The following PCDHA10 variants were observed in gnomAD, a reference collection of about 807,000 sequenced individuals.
PCDHA10 encodes the protein protocadherin alpha-10.
In PCDHA10, 45 loss-of-function variants were observed where a neutral mutation model predicts 61.2. The ratio of observed to expected loss-of-function variants is 0.74; its 90% confidence interval spans 0.58 to 0.94. PCDHA10 has a LOEUF of 0.94. Among genes scored for constraint, PCDHA10 ranks in the 40% least tolerant of loss-of-function variants. The pLI is 0.00. For synonymous variants in PCDHA10, 602 were observed against 548.8 expected (o/e 1.10, Z -1.35); for missense variants, 1,278 against 1,236.2 (o/e 1.03, Z -0.51).
At chr5:140,888,706 T>G (rs1554183604) in intron 1 of PCDHA10, among the ~76,000 whole-genome samples, 1 of 152,196 alleles carries the variant, frequency 6.6e-6, no homozygotes, top group African/African-American at 2.4e-5. Context: ...TTGGTAGGAA[T>G]GTGAAATATT....
chr5:140,884,837 C>A, intron 1 of PCDHA10: 4 of 902,438 alleles, frequency 4.4e-6, no homozygotes, highest in Non-Finnish European at 6.3e-6. Flanking sequence ...GATTATCCTT[C>A]AGAGTGAAAT....
At chr5:140,875,590 A>G (rs1554167782) in intron 1 of PCDHA10, 4 of 1,613,992 alleles carry the variant, frequency 2.5e-6, no homozygotes, top group Non-Finnish European at 3.4e-6. Flanking sequence ...CGAGGAGGCC[A>G]AACACGGCAC....
At chr5:141,001,216 G>T (rs938133871) in intron 3 of PCDHA10, among the ~76,000 whole-genome samples, 1 of 152,082 alleles carries the variant, frequency 6.6e-6, no homozygotes, top group Non-Finnish European at 1.5e-5. Context: ...GCTGTATAAG[G>T]ATAGTTACAT....
chr5:140,970,471 G>T (rs773565871), intron 1 of PCDHA10, among the ~76,000 whole-genome samples: 1 of 152,142 alleles, frequency 6.6e-6, no homozygotes, highest in African/African-American at 2.4e-5. Context: ...TAGGTATAAG[G>T]CCAGCTTGTT....
At chr5:140,911,396 G>C (rs1348303429) in intron 1 of PCDHA10, among the ~76,000 whole-genome samples, 1 of 152,104 alleles carries the variant, frequency 6.6e-6, no homozygotes, top group Non-Finnish European at 1.5e-5. Context: ...TTTCATTGCA[G>C]GTCAGCCACT....
In PCDHA10 at chr5:140,883,821, A is replaced by G. The variant is rs376667172; in HGVS notation, c.2388+25385A>G. 3 of 1,612,334 alleles carry G rather than the reference A, an allele frequency of 1.9e-6. No homozygotes were observed. Among genetic ancestry groups the G allele is most frequent in the Non-Finnish European group, 2.5e-6 (3 of 1,179,764 alleles). The stretch of plus-strand genomic sequence containing the variant: ...GTGCACGCGGAGAGCGGCAAGGTGT[A>G]CGCGCTGCAGCCGTTGGACCACGAG... On this transcript the variant is annotated intron_variant, in intron 1 of 3. Coordinates refer to ENST00000307360, the MANE Select transcript of PCDHA10 (RefSeq NM_018901.4).
chr5:140,875,817 G>C lies in PCDHA10; in HGVS notation c.2388+17381G>C, dbSNP rs1262566792. 3 of 1,614,090 alleles carry C rather than the reference G, an allele frequency of 1.9e-6. No homozygotes were observed. The highest frequency in any genetic ancestry group is 2.7e-5 in the African/African-American group (2 of 74,930). On this transcript the variant is annotated intron_variant, in intron 1 of 3. Coordinates refer to ENST00000307360, the MANE Select transcript of PCDHA10 (RefSeq NM_018901.4). ...AGGTGATCGTGGACAGGCCGCTGCA[G>C]GTTTTCCATGTGGACGTGGAGGTGA...
At chr5:140,988,989 G>C (rs981946293) in intron 3 of PCDHA10, 1 of 152,184 alleles carries the variant, frequency 6.6e-6, no homozygotes, top group Admixed American at 6.5e-5. Flanking sequence ...CTAATGCAGG[G>C]TAAGGAAATA....
chr5:140,963,233 G>C (rs151988), intron 1 of PCDHA10, among the ~76,000 whole-genome samples: 50,230 of 151,972 alleles, frequency 0.33, 8,535 homozygotes, highest in East Asian at 0.53. Context: ...GACACTGTTT[G>C]ATGGATTAGG....
chr5:140,938,062 A>G (rs2091901426), intron 1 of PCDHA10, among the ~76,000 whole-genome samples: 1 of 152,176 alleles, frequency 6.6e-6, no homozygotes, highest in Non-Finnish European at 1.5e-5. Context: ...ATATACTGTC[A>G]TGCTATTCCC....
rs186566632 is a variant in PCDHA10, at chr5:140,947,652, T to C, written c.2389-31297T>C. 6.7e-3 allele frequency among the ~76,000 whole-genome samples: 1,010 copies of C among 151,752 alleles called. 2 individuals are homozygous for C. Among genetic ancestry groups the C allele is most frequent in the Non-Finnish European group, 0.01 (702 of 67,572 alleles). On this transcript the variant is annotated intron_variant, in intron 1 of 3. Transcript: ENST00000307360. ...ATCAGATCGTATGAACATATATACCTCCATTTACTTGGGTCTTTAAAAAAT... is the reference window on the plus strand; with the variant it reads ...ATCAGATCGTATGAACATATATACCCCCATTTACTTGGGTCTTTAAAAAAT...
rs1408742148 is a variant in PCDHA10, at chr5:140,857,544, G to T, written c.1496G>T (p.Gly499Val). 1 of 1,596,898 alleles carries T rather than the reference G, an allele frequency of 6.3e-7. No individual in the cohort carries two copies. Among genetic ancestry groups the T allele is most frequent in the Non-Finnish European group, 8.6e-7 (1 of 1,167,662 alleles). The change falls in exon 1 of 4, where the codon GGC becomes GTC. Residue 499 changes from glycine (G) to valine (V), a missense_variant. Transcript: ENST00000307360. ...VSYSLVERRL[G>V]ERSLSSYVSV... ...TACTCTCTGGTGGAGCGGCGGTTGG[G>T]CGAGCGCTCGCTGTCGAGCTACGTG...
At chr5:140,873,755 T>C (rs1273886734) in intron 1 of PCDHA10, among the ~76,000 whole-genome samples, 1 of 152,098 alleles carries the variant, frequency 6.6e-6, no homozygotes, top group African/African-American at 2.4e-5. Flanking sequence ...CCACCTCCCA[T>C]GTTCAAGCAA....
chr5:140,872,075 C>T (rs1452265862), intron 1 of PCDHA10, among the ~76,000 whole-genome samples: 1 of 152,234 alleles, frequency 6.6e-6, no homozygotes, highest in Non-Finnish European at 1.5e-5. Flanking sequence ...GCTGGGAATG[C>T]AGTGCCACTG....
At chr5:140,969,069 T>C in intron 1 of PCDHA10, 1 of 1,614,160 alleles carries the variant, frequency 6.2e-7, no homozygotes, top group Non-Finnish European at 8.5e-7. Context: ...GATGCCAGGA[T>C]ACCGCATGGC....
intron 1 of PCDHA10, chr5:140,883,268 T>G: frequency 6.2e-7 from 1 of 1,614,030 alleles, no homozygotes; most frequent in Non-Finnish European, 8.5e-7. Flanking sequence ...GGCGGGTCAT[T>G]GTACCCTTTT....
At chr5:140,872,589 C>T (rs1242242642) in intron 1 of PCDHA10, among the ~76,000 whole-genome samples, 1 of 151,922 alleles carries the variant, frequency 6.6e-6, no homozygotes, top group African/African-American at 2.4e-5. Flanking sequence ...ATCGTGAGAC[C>T]CCCATCTGAA....
At chr5:140,928,044 T>A (rs782342331) in intron 1 of PCDHA10, 1 of 1,614,196 alleles carries the variant, frequency 6.2e-7, no homozygotes, top group South Asian at 1.1e-5. Context: ...GTGCAGGCCC[T>A]TTTCAGCTGA....
intron 1 of PCDHA10, chr5:140,875,900 C>G (rs1554168051): frequency 1.2e-6 from 2 of 1,614,174 alleles, no homozygotes; most frequent in South Asian, 2.2e-5. Flanking sequence ...GTACCTGTTT[C>G]TGAATCTGCG....
Sources: gnomAD v4.1 joint callset for allele counts (sites outside exome capture counted in the v4.1 genomes callset) on GRCh38, gnomAD v4.1.1 for gene constraint, MANE v1.5 for transcripts, NCBI Gene and HGNC (gene_info 2026-07-23, HGNC 2026-07-21) for gene names.